Variants in DPP10 observed in about 807,000 individuals in gnomAD.
DPP10 encodes the protein inactive dipeptidyl peptidase 10.
Under a neutral mutation model 120.9 loss-of-function variants are expected in DPP10, and 33 were observed. The observed-to-expected ratio is 0.27, with a 90% CI of 0.21 to 0.37. The LOEUF (loss-of-function observed/expected upper bound fraction) is 0.37, where lower values mean the gene tolerates loss of function less well. DPP10 is among the 10% of genes least tolerant of loss of function. The probability of loss-of-function intolerance (pLI) is 1.00; values close to 1 mark genes in which losing one functional copy is unlikely to be tolerated. For missense variants in DPP10, 816 were observed against 942.8 expected, an observed-to-expected ratio of 0.87 and a Z score of 1.76; for synonymous variants, 337 against 326.1, an observed-to-expected ratio of 1.03 and a Z score of -0.36.
At chr2:115,321,323 C>T (rs1171471913) in intron 2 of DPP10, among the ~76,000 whole-genome samples, 2 of 152,104 alleles carry the variant, frequency 1.3e-5, no homozygotes, top group Non-Finnish European at 2.9e-5. Context: ...AGAAAGGAAG[C>T]TCTTTTCTTT....
chr2:114,742,459 G>C (rs1011993235), intron 1 of DPP10, among the ~76,000 whole-genome samples: 1 of 152,174 alleles, frequency 6.6e-6, no homozygotes, highest in African/African-American at 2.4e-5. Flanking sequence ...ACTATATTTT[G>C]AAATCTTGCA....
At chr2:115,208,877 T>A (rs1430325273) in intron 1 of DPP10, among the ~76,000 whole-genome samples, 1 of 152,196 alleles carries the variant, frequency 6.6e-6, no homozygotes, top group East Asian at 1.9e-4. Context: ...TACAAAGCTA[T>A]AAAAATATTC....
intron 1 of DPP10, among the ~76,000 whole-genome samples, chr2:115,086,278 A>G (rs2104525526): frequency 1.3e-5 from 2 of 152,254 alleles, no homozygotes; most frequent in Admixed American, 1.3e-4. Flanking sequence ...TTTGGTCTCT[A>G]CGATCTTTTA....
intron 1 of DPP10, among the ~76,000 whole-genome samples, chr2:114,505,219 T>G (rs578113862): frequency 6.7e-6 from 1 of 150,122 alleles, no homozygotes; most frequent in East Asian, 1.9e-4. Context: ...CTTATATACC[T>G]TTTAGACAAA....
intron 1 of DPP10, among the ~76,000 whole-genome samples, chr2:114,507,159 C>T (rs796261774): frequency 6.6e-5 from 10 of 151,366 alleles, no homozygotes; most frequent in African/African-American, 1.7e-4. Flanking sequence ...GTGATAATCC[C>T]GCCTCAGCCT....
At chr2:115,305,042 A>C (rs544915039) in intron 1 of DPP10, among the ~76,000 whole-genome samples, 2 of 152,204 alleles carry the variant, frequency 1.3e-5, no homozygotes, top group South Asian at 4.1e-4. Context: ...ATATGATCTG[A>C]CGTTGAACAC....
intron 1 of DPP10, among the ~76,000 whole-genome samples, chr2:114,904,735 A>T (rs987690209): frequency 1.3e-5 from 2 of 152,230 alleles, no homozygotes; most frequent in African/African-American, 4.8e-5. Flanking sequence ...GACTCATTAA[A>T]TTTCACAGGA....
chr2:114,693,401 T>C (rs1036727101), intron 1 of DPP10, among the ~76,000 whole-genome samples: 2 of 152,102 alleles, frequency 1.3e-5, no homozygotes, highest in African/African-American at 4.8e-5. Context: ...CGTTGAATAT[T>C]GGCCCCCAAT....
chr2:115,073,820 G>A (rs1019812580), intron 1 of DPP10, among the ~76,000 whole-genome samples: 1 of 152,286 alleles, frequency 6.6e-6, no homozygotes, highest in African/African-American at 2.4e-5. Context: ...GAACACACAG[G>A]AAGTGCTCAG....
At chr2:115,307,053 C>T (rs563264322) in intron 1 of DPP10, among the ~76,000 whole-genome samples, 6 of 152,094 alleles carry the variant, frequency 3.9e-5, no homozygotes, top group Admixed American at 3.3e-4. Context: ...AACTCCAGCT[C>T]TCCTACTTAT....
At chr2:115,193,755 A>G (rs182924412) in intron 1 of DPP10, among the ~76,000 whole-genome samples, 3 of 152,224 alleles carry the variant, frequency 2.0e-5, no homozygotes, top group East Asian at 3.9e-4. Context: ...TTATTAGGCA[A>G]TTTTCCTAAC....
intron 19 of DPP10, among the ~76,000 whole-genome samples, chr2:115,807,335 A>T (rs936222136): frequency 5.3e-5 from 8 of 152,124 alleles, no homozygotes; most frequent in African/African-American, 1.7e-4. Context: ...GCTGTCCAAG[A>T]TGTTTATCCT....
chr2:114,671,307 A>T (rs1432539174), intron 1 of DPP10, among the ~76,000 whole-genome samples: 1 of 152,162 alleles, frequency 6.6e-6, no homozygotes, highest in Non-Finnish European at 1.5e-5. Flanking sequence ...CTCACAATGT[A>T]ACACTGTTGT....
chr2:114,966,493 C>T (rs1415932051), intron 1 of DPP10, among the ~76,000 whole-genome samples: 1 of 152,194 alleles, frequency 6.6e-6, no homozygotes, highest in African/African-American at 2.4e-5. Context: ...TCCCCTTCCT[C>T]TTTCTCCAAT....
chr2:114,497,310 CATGT>C (rs1558814137), intron 1 of DPP10, among the ~76,000 whole-genome samples: 35 of 48,354 alleles, frequency 7.2e-4, no homozygotes, highest in Admixed American at 1.3e-3. Flanking sequence ...TACGTGTATA[CATGT>C]ACATGTATAC....
intron 19 of DPP10, among the ~76,000 whole-genome samples, chr2:115,809,522 C>T (rs74607825): frequency 0.015 from 2,334 of 152,136 alleles, 71 homozygotes; most frequent in African/African-American, 0.052. Context: ...TTTCCTTTTC[C>T]TTACCTTGAT....
intron 1 of DPP10, among the ~76,000 whole-genome samples, chr2:114,668,200 G>A (rs1422664308): frequency 6.6e-6 from 1 of 152,108 alleles, no homozygotes; most frequent in Non-Finnish European, 1.5e-5. Context: ...GAAAGCTGGT[G>A]GTGTGATTCA....
chr2:115,628,190 T>TA (rs2085524130), intron 5 of DPP10, among the ~76,000 whole-genome samples: 1 of 152,166 alleles, frequency 6.6e-6, no homozygotes, highest in African/African-American at 2.4e-5. Context: ...TGTTCTTTCT[T>TA]AAATTTTTAA....
intron 24 of DPP10, among the ~76,000 whole-genome samples, chr2:115,839,636 T>C (rs1267816597): frequency 7.2e-6 from 1 of 138,388 alleles, no homozygotes; most frequent in Non-Finnish European, 1.5e-5. Context: ...ATCGTACCAC[T>C]GCACTCCAGC....
Sources: gnomAD v4.1 joint callset for allele counts (sites outside exome capture counted in the v4.1 genomes callset) on GRCh38, gnomAD v4.1.1 for gene constraint, MANE v1.5 for transcripts, NCBI Gene and HGNC (gene_info 2026-07-23, HGNC 2026-07-21) for gene names.